Variants in RAD51B observed in about 807,000 individuals in gnomAD.
RAD51B encodes the protein DNA repair protein RAD51 homolog 2.
In RAD51B, 38 loss-of-function variants were observed where a neutral mutation model predicts 42.2. The observed-to-expected ratio is 0.90, with a 90% CI of 0.70 to 1.18. The LOEUF (loss-of-function observed/expected upper bound fraction) is 1.18, where lower values mean the gene tolerates loss of function less well. Among genes scored for constraint, RAD51B ranks in the 50% most tolerant of loss-of-function variants. RAD51B has a pLI of 0.00. For missense variants in RAD51B, 373 were observed against 400.7 expected (o/e 0.93, Z 0.59); for synonymous variants, 154 against 145.2 (o/e 1.06, Z -0.43).
chr14:68,637,129 G>C (rs903378819), intron 10 of RAD51B, among the ~76,000 whole-genome samples: 1 of 152,102 alleles, frequency 6.6e-6, no homozygotes, highest in African/African-American at 2.4e-5. Flanking sequence ...GCTCAGGCTA[G>C]AGTGCAGTGG....
chr14:68,184,501 TC>T (rs1196741670), intron 7 of RAD51B, among the ~76,000 whole-genome samples: 1 of 151,262 alleles, frequency 6.6e-6, no homozygotes, highest in Non-Finnish European at 1.5e-5. Flanking sequence ...TGCCTCATCT[TC>T]CCAAAGTGCT....
intron 10 of RAD51B, among the ~76,000 whole-genome samples, chr14:68,495,587 G>C (rs910789956): frequency 1.3e-5 from 2 of 152,030 alleles, no homozygotes; most frequent in African/African-American, 4.8e-5. Context: ...CTCGAAGCAC[G>C]GGCTGCCAAG....
intron 8 of RAD51B, among the ~76,000 whole-genome samples, chr14:68,359,330 C>A (rs2082971823): frequency 6.6e-6 from 1 of 152,122 alleles, no homozygotes; most frequent in Admixed American, 6.5e-5. Flanking sequence ...ATAAAGTCTC[C>A]CTTTCTGGGT....
At chr14:67,943,653 C>CTTGCTT (rs2045283525) in intron 7 of RAD51B, among the ~76,000 whole-genome samples, 1 of 152,078 alleles carries the variant, frequency 6.6e-6, no homozygotes. Context: ...CCTCAAGATG[C>CTTGCTT]TTGCTTTTAT....
chr14:68,113,965 G>A (rs1480647611), intron 7 of RAD51B: 1 of 152,114 alleles, frequency 6.6e-6, no homozygotes, highest in Non-Finnish European at 1.5e-5. Context: ...CTTCTGATGA[G>A]TAGGCAACTC....
chr14:68,297,237 A>G (rs1188215195), intron 8 of RAD51B, among the ~76,000 whole-genome samples: 2 of 152,196 alleles, frequency 1.3e-5, no homozygotes, highest in African/African-American at 4.8e-5. Flanking sequence ...TGAATTTTCA[A>G]GTCTTATTTC....
chr14:68,130,360 C>T (rs191255979), intron 7 of RAD51B, among the ~76,000 whole-genome samples: 301 of 152,302 alleles, frequency 2.0e-3, no homozygotes, highest in Non-Finnish European at 2.6e-3. Context: ...TCTCCTCTTG[C>T]TGTGTTTAAA....
At chr14:68,023,638 A>G (rs1174748175) in intron 7 of RAD51B, among the ~76,000 whole-genome samples, 2 of 152,042 alleles carry the variant, frequency 1.3e-5, no homozygotes, top group African/African-American at 2.4e-5. Flanking sequence ...GCTTTTTGGT[A>G]TGTCTTCTTT....
At chr14:68,043,443 A>AT (rs2076247236) in intron 7 of RAD51B, among the ~76,000 whole-genome samples, 1 of 152,230 alleles carries the variant, frequency 6.6e-6, no homozygotes, top group Non-Finnish European at 1.5e-5. Context: ...TTTGGAAAAG[A>AT]TATCTGATGA....
intron 7 of RAD51B, among the ~76,000 whole-genome samples, chr14:68,059,521 C>A (rs934345691): frequency 1.3e-5 from 2 of 152,142 alleles, no homozygotes; most frequent in Non-Finnish European, 2.9e-5. Flanking sequence ...CATTTTCCTG[C>A]GTAATCCCTT....
intron 5 of RAD51B, among the ~76,000 whole-genome samples, chr14:67,881,179 A>G (rs1017981128): frequency 1.3e-5 from 2 of 152,256 alleles, no homozygotes; most frequent in African/African-American, 4.8e-5. Flanking sequence ...CCACTGTTGT[A>G]TAAGTGATGC....
intron 7 of RAD51B, among the ~76,000 whole-genome samples, chr14:67,977,430 G>A (rs1262916441): frequency 6.6e-6 from 1 of 152,108 alleles, no homozygotes; most frequent in Non-Finnish European, 1.5e-5. Context: ...AGTTCCCTCC[G>A]GCCAACTATC....
intron 9 of RAD51B, among the ~76,000 whole-genome samples, chr14:68,467,714 G>A (rs540076984): frequency 2.6e-4 from 40 of 152,182 alleles, no homozygotes; most frequent in Non-Finnish European, 4.9e-4. Context: ...GAAGGACCAG[G>A]GCCAACAAAG....
chr14:68,528,473 A>G (rs1036848087), intron 10 of RAD51B, among the ~76,000 whole-genome samples: 1 of 152,258 alleles, frequency 6.6e-6, no homozygotes, highest in African/African-American at 2.4e-5. Context: ...ATCATAAAGT[A>G]TAAATAAATT....
At chr14:68,501,133 G>A (rs545773659) in intron 10 of RAD51B, among the ~76,000 whole-genome samples, 11 of 152,218 alleles carry the variant, frequency 7.2e-5, no homozygotes, top group South Asian at 4.1e-4. Flanking sequence ...GAGGGAGTTC[G>A]GCTTCAGAGA....
intron 7 of RAD51B, among the ~76,000 whole-genome samples, chr14:68,247,272 A>T (rs763523896): frequency 6.6e-6 from 1 of 152,202 alleles, no homozygotes; most frequent in African/African-American, 2.4e-5. Flanking sequence ...AAAAAAATGT[A>T]TGTAACTTGT....
At chr14:68,503,333 C>CT (rs1566916747) in intron 10 of RAD51B, among the ~76,000 whole-genome samples, 1 of 152,102 alleles carries the variant, frequency 6.6e-6, no homozygotes, top group Non-Finnish European at 1.5e-5. Context: ...GTTTAACCGG[C>CT]TGACATTCTT....
chr14:68,312,114 T>TG (rs1402456339), intron 8 of RAD51B, among the ~76,000 whole-genome samples: 1 of 151,314 alleles, frequency 6.6e-6, no homozygotes, highest in Non-Finnish European at 1.5e-5. Flanking sequence ...GAAATGTGTG[T>TG]TTTTTTTTGT....
intron 7 of RAD51B, among the ~76,000 whole-genome samples, chr14:68,037,968 C>G (rs1355306681): frequency 6.6e-6 from 1 of 152,204 alleles, no homozygotes; most frequent in Admixed American, 6.5e-5. Flanking sequence ...GAATGTTCAT[C>G]CTTTTGATAT....
Sources: allele counts gnomAD v4.1 joint callset (sites outside exome capture counted in the v4.1 genomes callset), GRCh38; gene constraint gnomAD v4.1.1; transcripts MANE v1.5; gene names NCBI Gene and HGNC (gene_info 2026-07-23, HGNC 2026-07-21).